ABCA5: variants seen among roughly 807,000 people sequenced by gnomAD.
The protein encoded by ABCA5 is cholesterol transporter ABCA5.
ABCA5 carries 163 observed loss-of-function variants against 206.0 expected under a neutral mutation model. The observed-to-expected ratio is 0.79, with a 90% CI of 0.70 to 0.90. ABCA5 has a LOEUF of 0.90. Ranked by LOEUF, ABCA5 falls within the 40% of genes least tolerant of loss-of-function variation. ABCA5 has a pLI of 0.00. For missense variants in ABCA5, 1,859 were observed against 1,912.9 expected (o/e 0.97, Z 0.53); for synonymous variants, 609 against 613.8 (o/e 0.99, Z 0.11).
chr17:69,250,016 T>A (rs779254372), intron 36 of ABCA5, 32 bp from the exon 37 acceptor site: 1 of 1,309,314 alleles, frequency 7.6e-7, no homozygotes, highest in African/African-American at 1.5e-5. Flanking sequence ...GGAAAAAAAT[T>A]AAAAATTACT....
chr17:69,284,993 G>A (rs985011845), intron 17 of ABCA5, among the ~76,000 whole-genome samples: 25 of 152,136 alleles, frequency 1.6e-4, no homozygotes, highest in African/African-American at 5.8e-4. Flanking sequence ...ATGAGTTCTG[G>A]AACTGATTTG....
At chr17:69,272,754 T>A (rs534994159) in intron 20 of ABCA5, among the ~76,000 whole-genome samples, 17 of 152,216 alleles carry the variant, frequency 1.1e-4, no homozygotes, top group Non-Finnish European at 2.2e-4. Context: ...CTCACTCATT[T>A]ATCCATCAAT....
intron 6 of ABCA5, among the ~76,000 whole-genome samples, chr17:69,305,084 T>C (rs113346512): frequency 1.0e-3 from 154 of 152,328 alleles, no homozygotes; most frequent in African/African-American, 3.6e-3. Flanking sequence ...ATAATTAATT[T>C]AAATCTAATA....
chr17:69,303,501 G>T (rs916853077), intron 7 of ABCA5, among the ~76,000 whole-genome samples: 1 of 150,962 alleles, frequency 6.6e-6, no homozygotes, highest in Admixed American at 6.6e-5. Flanking sequence ...ACCATAAATA[G>T]CCATGTGTTT....
intron 11 of ABCA5, among the ~76,000 whole-genome samples, chr17:69,294,308 A>C (rs2075562193): frequency 6.6e-6 from 1 of 152,072 alleles, no homozygotes; most frequent in South Asian, 2.1e-4. Context: ...GAACCACCTG[A>C]GGTCAGGAGT....
chr17:69,282,277 A>T (rs1208846385), intron 18 of ABCA5, among the ~76,000 whole-genome samples: 3 of 152,142 alleles, frequency 2.0e-5, no homozygotes, highest in Non-Finnish European at 2.9e-5. Context: ...ATAATTGCTC[A>T]TTCACGGTCA....
intron 11 of ABCA5, 106 bp from the exon 12 acceptor site, chr17:69,291,432 A>G: frequency 5.0e-6 from 3 of 600,392 alleles, no homozygotes; most frequent in Non-Finnish European, 8.3e-6. Context: ...ATCTATAAAT[A>G]CATATTTAAA....
chr17:69,310,927 C>T (rs1199621536), intron 3 of ABCA5, among the ~76,000 whole-genome samples: 1 of 152,166 alleles, frequency 6.6e-6, no homozygotes, highest in Non-Finnish European at 1.5e-5. Flanking sequence ...TGCCTCACAC[C>T]TATAATGCCA....
At position 69,287,659 on chromosome 17, in the gene ABCA5, C is replaced by G; in HGVS notation, c.1995G>C (p.Val665=). The G allele has an allele frequency of 6.2e-7, 1 of 1,613,882 alleles. No individual in the cohort carries two copies. Among genetic ancestry groups the G allele is most frequent in the Non-Finnish European group, 8.5e-7 (1 of 1,179,874 alleles). The part of the protein sequence containing the change: ...NLLKYRKANR[V]TVFSTHFMDE... ...CCATGAAATGAGTACTGAACACTGTCACCCGATTGGCTTTTCTGTATTTTA... is the reference window on the plus strand; with the variant it reads ...CCATGAAATGAGTACTGAACACTGTGACCCGATTGGCTTTTCTGTATTTTA... The change falls in exon 15 of 39, where the codon GTG becomes GTC. Residue 665 remains valine (V), a synonymous_variant. Transcript: ENST00000392676.
At chr17:69,250,336 T>A in intron 36 of ABCA5, 136 bp downstream of exon 36, 1 of 635,414 alleles carries the variant, frequency 1.6e-6, no homozygotes, top group Non-Finnish European at 2.4e-6. Flanking sequence ...AAAATATACA[T>A]ATATATTCAC....
At chr17:69,251,654 AATT>A (rs1191842340) in intron 35 of ABCA5, 90 bp downstream of exon 35, 1 of 1,471,818 alleles carries the variant, frequency 6.8e-7, no homozygotes, top group African/African-American at 1.4e-5. Context: ...TTAACATTTA[AATT>A]ACTAACTATT....
At chr17:69,270,778 C>A in intron 21 of ABCA5, 28 bp from the exon 22 acceptor site, 1 of 1,512,556 alleles carries the variant, frequency 6.6e-7, no homozygotes, top group Non-Finnish European at 8.8e-7. Flanking sequence ...ACACTTATTA[C>A]ATACTGTATA....
In ABCA5 at chr17:69,245,260, C is replaced by T. The variant is rs1224451160; in HGVS notation, c.*2277G>A. ...TTTTCTTGCCTTATTAGTCAGTAAACACTCACTCAGTAAAGCTCAGCTTTT... is the reference window on the plus strand; with the variant it reads ...TTTTCTTGCCTTATTAGTCAGTAAATACTCACTCAGTAAAGCTCAGCTTTT... On this transcript the variant is annotated 3_prime_UTR_variant, in exon 39 of 39. Transcript: ENST00000392676. 6.6e-6 allele frequency: 1 copy of T among 151,846 alleles called. No individual in the cohort carries two copies. Among genetic ancestry groups the T allele is most frequent in the Non-Finnish European group, 1.5e-5 (1 of 67,836 alleles). The allele number at this position is 151,846 out of a possible 1,614,324, so 9.4% of individuals were successfully genotyped here. A position where few individuals can be genotyped will look rare whatever the true frequency, so the allele number is the denominator to read the frequency against.
At chr17:69,266,024 A>G (rs1355102289) in intron 23 of ABCA5, among the ~76,000 whole-genome samples, 2 of 152,220 alleles carry the variant, frequency 1.3e-5, no homozygotes, top group Non-Finnish European at 1.5e-5. Flanking sequence ...AACAATCCAA[A>G]TGTTCTTCAA....
intron 35 of ABCA5, chr17:69,250,866 T>G: frequency 4.3e-6 from 1 of 235,028 alleles, no homozygotes; most frequent in Non-Finnish European, 8.1e-6. Context: ...GTCACTGAAC[T>G]CCATACTTTA....
chr17:69,249,986 T>TG lies in ABCA5; in HGVS notation c.4686-3dup. On this transcript the variant is annotated splice_polypyrimidine_tract_variant and splice_region_variant and intron_variant, in intron 36 of 38. Coordinates refer to ENST00000392676, the MANE Select transcript of ABCA5 (RefSeq NM_172232.4). ...TTATAAGCCAAAATAGAAGAAAAAC[T>TG]GGAAAAAAAGATAAAATATGGAAAA... 1 of 1,471,624 alleles carries TG rather than the reference T, an allele frequency of 6.8e-7. No homozygotes were observed. Among genetic ancestry groups the TG allele is most frequent in the Non-Finnish European group, 9.1e-7 (1 of 1,102,730 alleles). The allele number at this position is 1,471,624 out of a possible 1,614,324, so 91.2% of individuals were successfully genotyped here. A position where few individuals can be genotyped will look rare whatever the true frequency, so the allele number is the denominator to read the frequency against.
intron 9 of ABCA5, among the ~76,000 whole-genome samples, chr17:69,300,521 A>G (rs2075641292): frequency 6.6e-6 from 1 of 152,318 alleles, no homozygotes; most frequent in Middle Eastern, 3.4e-3. Flanking sequence ...TGCACCATGC[A>G]ATTTAGTAAC....
At chr17:69,301,390 A>G in intron 8 of ABCA5, 104 bp from the exon 9 acceptor site, 1 of 829,258 alleles carries the variant, frequency 1.2e-6, no homozygotes, top group Non-Finnish European at 1.8e-6. Context: ...ATAGTAACCA[A>G]CTGGGCCTTT....
intron 1 of ABCA5, among the ~76,000 whole-genome samples, chr17:69,315,612 G>A (rs2075809029): frequency 6.6e-6 from 1 of 151,968 alleles, no homozygotes; most frequent in Non-Finnish European, 1.5e-5. Flanking sequence ...GTGAAACCCT[G>A]TCTCTACTAA....
Sources: gnomAD v4.1 joint callset for allele counts (sites outside exome capture counted in the v4.1 genomes callset) on GRCh38, gnomAD v4.1.1 for gene constraint, MANE v1.5 for transcripts, NCBI Gene and HGNC (gene_info 2026-07-23, HGNC 2026-07-21) for gene names.